Variants in FAM13A observed in about 807,000 individuals in gnomAD.
FAM13A encodes the protein protein FAM13A.
Under a neutral mutation model 129.6 loss-of-function variants are expected in FAM13A, and 76 were observed. That is an observed-to-expected ratio of 0.59 (90% CI 0.49 to 0.71). The LOEUF (loss-of-function observed/expected upper bound fraction) is 0.71. FAM13A is among the 30% of genes least tolerant of loss of function. The pLI is 0.00. For missense variants in FAM13A, 1,108 were observed against 1,249.3 expected (o/e 0.89, Z 1.70); for synonymous variants, 443 against 449.9 (o/e 0.98, Z 0.20).
chr4:89,028,928 A>G (rs887915060), intron 2 of FAM13A, among the ~76,000 whole-genome samples: 1 of 148,536 alleles, frequency 6.7e-6, no homozygotes, highest in African/African-American at 2.5e-5. Context: ...AATGTACTAT[A>G]TTATTCTCCA....
At chr4:88,730,420 T>A (rs1209153584) in intron 23 of FAM13A, among the ~76,000 whole-genome samples, 1 of 152,196 alleles carries the variant, frequency 6.6e-6, no homozygotes. Flanking sequence ...TGAGACGAAG[T>A]CTTGCTCTGT....
At chr4:89,015,770 T>G (rs138408775) in intron 3 of FAM13A, among the ~76,000 whole-genome samples, 5 of 152,286 alleles carry the variant, frequency 3.3e-5, no homozygotes, top group Admixed American at 1.3e-4. Context: ...GAAGTTTATA[T>G]ATATATAAAG....
At position 88,990,977 on chromosome 4, in the gene FAM13A, A is replaced by G. The variant is rs1413916663; in HGVS notation, c.601T>C (p.Phe201Leu). Reference sequence around the variant, plus strand: ...AGTAAAACTCCACTAACTTACTGAAAGCAATTTGGCCCAAATACAGTGGCG... The same window carrying G: ...AGTAAAACTCCACTAACTTACTGAAGGCAATTTGGCCCAAATACAGTGGCG... ...NLATVFGPNC[F>L]HVPPGLEGMK... The change falls in exon 4 of 24, where the codon TTT becomes CTT. Residue 201 changes from phenylalanine to leucine, a missense_variant. Coordinates refer to ENST00000264344, the MANE Select transcript of FAM13A (RefSeq NM_014883.4). 1 of 1,613,668 alleles carries G rather than the reference A, an allele frequency of 6.2e-7. No individual in the cohort carries two copies. Among genetic ancestry groups the G allele is most frequent in the Admixed American group, 1.7e-5 (1 of 60,024 alleles).
chr4:88,990,867 G>T, intron 4 of FAM13A, 106 bp downstream of exon 4: 1 of 827,086 alleles, frequency 1.2e-6, no homozygotes, highest in Non-Finnish European at 1.9e-6. Context: ...AAATAAGCTG[G>T]CTGAATTTTC....
chr4:88,886,770 G>A (rs1196395806), intron 6 of FAM13A, among the ~76,000 whole-genome samples: 1 of 151,904 alleles, frequency 6.6e-6, no homozygotes, highest in Admixed American at 6.6e-5. Flanking sequence ...AGCTGGGCAT[G>A]GTGACGCATG....
chr4:88,913,022 G>GGAA (rs60618273), intron 5 of FAM13A, among the ~76,000 whole-genome samples: 20 of 147,714 alleles, frequency 1.4e-4, no homozygotes, highest in South Asian at 2.1e-4. Context: ...AGGAGGAGGA[G>GGAA]GAAGAAGAAG....
intron 7 of FAM13A, among the ~76,000 whole-genome samples, chr4:88,837,283 C>T (rs1734978085): frequency 6.6e-6 from 1 of 151,838 alleles, no homozygotes; most frequent in African/African-American, 2.4e-5. Context: ...GTGTGAGCCA[C>T]TGCGCCTGAC....
chr4:88,864,432 CAG>C (rs1336362223), intron 6 of FAM13A, among the ~76,000 whole-genome samples: 1 of 152,258 alleles, frequency 6.6e-6, no homozygotes, highest in South Asian at 2.1e-4. Flanking sequence ...ATTTTTGAGA[CAG>C]AGTCTTGCTC....
intron 1 of FAM13A, among the ~76,000 whole-genome samples, chr4:89,039,291 C>A (rs1769797675): frequency 1.3e-5 from 2 of 152,262 alleles, no homozygotes; most frequent in South Asian, 4.1e-4. Context: ...ATACAACCTT[C>A]AAATGTAATA....
At chr4:88,913,421 T>G (rs1749504023) in intron 5 of FAM13A, among the ~76,000 whole-genome samples, 2 of 116,192 alleles carry the variant, frequency 1.7e-5, no homozygotes, top group African/African-American at 3.5e-5. Context: ...GTAGAAGTAG[T>G]AGTAGAGGGA....
intron 11 of FAM13A, among the ~76,000 whole-genome samples, chr4:88,773,995 A>G (rs1046054234): frequency 2.0e-5 from 3 of 152,172 alleles, no homozygotes; most frequent in Admixed American, 6.5e-5. Flanking sequence ...TTAGGTGATC[A>G]GGACCTCTGC....
At chr4:88,949,813 C>T (rs2045517) in intron 4 of FAM13A, among the ~76,000 whole-genome samples, 73,383 of 151,932 alleles carry the variant, frequency 0.48, 18,652 homozygotes, top group African/African-American at 0.66. Flanking sequence ...TCAGCTTCCA[C>T]TTTCCCCTCA....
intron 1 of FAM13A, among the ~76,000 whole-genome samples, chr4:89,045,110 A>G (rs1770680778): frequency 6.6e-6 from 1 of 152,202 alleles, no homozygotes; most frequent in Non-Finnish European, 1.5e-5. Context: ...AAAAAAAGTT[A>G]AAGAATTGAT....
At chr4:88,943,269 A>G (rs1472885400) in intron 4 of FAM13A, among the ~76,000 whole-genome samples, 1 of 152,202 alleles carries the variant, frequency 6.6e-6, no homozygotes, top group Non-Finnish European at 1.5e-5. Context: ...AGTCTCAAAG[A>G]GAAATATTAA....
At chr4:88,749,391 T>C (rs537560701) in intron 16 of FAM13A, among the ~76,000 whole-genome samples, 2 of 152,286 alleles carry the variant, frequency 1.3e-5, no homozygotes, top group East Asian at 3.9e-4. Context: ...CAAAAATGCC[T>C]TTTTGCCACT....
intron 6 of FAM13A, among the ~76,000 whole-genome samples, chr4:88,902,736 A>C (rs1003640995): frequency 1.3e-5 from 2 of 152,318 alleles, no homozygotes; most frequent in South Asian, 4.1e-4. Context: ...CCCATTCAAC[A>C]TAATATCAGA....
intron 4 of FAM13A, among the ~76,000 whole-genome samples, chr4:88,973,916 G>A (rs1760517444): frequency 6.6e-6 from 1 of 152,110 alleles, no homozygotes; most frequent in Non-Finnish European, 1.5e-5. Flanking sequence ...GACTGGATGG[G>A]GCTGGAATTG....
intron 4 of FAM13A, among the ~76,000 whole-genome samples, chr4:88,941,026 G>T (rs945133769): frequency 6.6e-6 from 1 of 152,180 alleles, no homozygotes; most frequent in African/African-American, 2.4e-5. Context: ...CTGCAAACAT[G>T]AGTAGTTTCA....
chr4:88,902,058 A>T (rs1747385508), intron 6 of FAM13A, among the ~76,000 whole-genome samples: 1 of 152,152 alleles, frequency 6.6e-6, no homozygotes, highest in African/African-American at 2.4e-5. Context: ...CTGAAACAGG[A>T]TGAAACTGAG....
Sources: allele counts gnomAD v4.1 joint callset (sites outside exome capture counted in the v4.1 genomes callset), GRCh38; gene constraint gnomAD v4.1.1; transcripts MANE v1.5; gene names NCBI Gene and HGNC (gene_info 2026-07-23, HGNC 2026-07-21).